The following ZNF385B variants were observed in gnomAD, a reference collection of about 807,000 sequenced individuals.
The protein encoded by ZNF385B is zinc finger protein 533.
ZNF385B carries 23 observed loss-of-function variants against 39.2 expected under a neutral mutation model. The observed-to-expected ratio is 0.59, with a 90% CI of 0.42 to 0.83. The LOEUF (loss-of-function observed/expected upper bound fraction) is 0.83. Among genes scored for constraint, ZNF385B ranks in the 40% least tolerant of loss-of-function variants. ZNF385B has a pLI of 0.00. For synonymous variants in ZNF385B, 205 were observed against 222.6 expected (o/e 0.92, Z 0.70); for missense variants, 552 against 598.9 (o/e 0.92, Z 0.82).
chr2:179,504,235 C>T (rs1243720750), intron 5 of ZNF385B, among the ~76,000 whole-genome samples: 3 of 152,018 alleles, frequency 2.0e-5, no homozygotes, highest in Admixed American at 6.6e-5. Flanking sequence ...CATAGTAAAC[C>T]ATGGTGTATA....
chr2:179,787,903 A>T (rs1705098624), intron 1 of ZNF385B, among the ~76,000 whole-genome samples: 2 of 152,212 alleles, frequency 1.3e-5, no homozygotes, highest in Non-Finnish European at 2.9e-5. Context: ...ATTGTGAAAC[A>T]CAGCAACTAT....
Position 179,443,173 on chromosome 2 carries a change from C to T in ZNF385B, c.*77G>A. The T allele has an allele frequency of 2.6e-6, 4 of 1,559,020 alleles. No individual in the cohort carries two copies. Among genetic ancestry groups the T allele is most frequent in the Non-Finnish European group, 3.5e-6 (4 of 1,135,692 alleles). ...TGAATGGGGGGTACTGCAACACAAA[C>T]TGCTTAAATTGCTGAATCCTTGTGG... is the stretch of plus-strand genomic sequence containing the variant. On this transcript the variant is annotated 3_prime_UTR_variant, in exon 10 of 10. Transcript: ENST00000410066.
intron 1 of ZNF385B, among the ~76,000 whole-genome samples, chr2:179,826,500 C>A (rs1436759699): frequency 6.6e-6 from 1 of 152,126 alleles, no homozygotes; most frequent in Non-Finnish European, 1.5e-5. Flanking sequence ...CTCTGTGAAG[C>A]AAAGAGGGCT....
Position 179,442,378 on chromosome 2 carries a change from C to T in ZNF385B, c.*872G>A, listed in dbSNP as rs2105512347. The T allele has an allele frequency of 6.5e-6, 1 of 152,696 alleles. No individual in the cohort carries two copies. The highest frequency in any genetic ancestry group is 2.1e-4 in the South Asian group (1 of 4,830). The allele number at this position is 152,696 out of a possible 1,614,324, so 9.5% of individuals were successfully genotyped here. On this transcript the variant is annotated 3_prime_UTR_variant, in exon 10 of 10. Transcript: ENST00000410066. ...AATGCACAAGAGGTGCAAAAATGTG[C>T]AATTTAGGAAGCTCTTTTTCTGTTT...
intron 3 of ZNF385B, among the ~76,000 whole-genome samples, chr2:179,673,205 T>C (rs1696279813): frequency 6.6e-6 from 1 of 152,072 alleles, no homozygotes; most frequent in Non-Finnish European, 1.5e-5. Context: ...CCAGGGTTGG[T>C]TGCATCCTAG....
At chr2:179,536,297 A>G (rs1432058971) in intron 4 of ZNF385B, 2 of 152,008 alleles carry the variant, frequency 1.3e-5, no homozygotes, top group Non-Finnish European at 2.9e-5. Context: ...CAACATAGAC[A>G]CTTTTTCCAA....
At chr2:179,568,676 G>A (rs1281210382) in intron 3 of ZNF385B, among the ~76,000 whole-genome samples, 1 of 152,208 alleles carries the variant, frequency 6.6e-6, no homozygotes, top group African/African-American at 2.4e-5. Context: ...TATGTTGGGT[G>A]TGTGTGAGAA....
intron 3 of ZNF385B, among the ~76,000 whole-genome samples, chr2:179,678,930 A>C (rs2106321291): frequency 6.6e-6 from 1 of 152,296 alleles, no homozygotes; most frequent in Non-Finnish European, 1.5e-5. Context: ...TGTGTATGAA[A>C]ATTTATTAAT....
intron 3 of ZNF385B, among the ~76,000 whole-genome samples, chr2:179,723,507 T>C (rs1181394780): frequency 6.6e-6 from 1 of 152,126 alleles, no homozygotes; most frequent in East Asian, 1.9e-4. Context: ...TAAATAAGCA[T>C]TCAAAATGAA....
intron 3 of ZNF385B, among the ~76,000 whole-genome samples, chr2:179,589,439 C>T (rs2106065402): frequency 6.6e-6 from 1 of 152,168 alleles, no homozygotes. Flanking sequence ...AAGAGGAGAA[C>T]AAAAGAAGTC....
chr2:179,659,760 C>T (rs1694251194), intron 3 of ZNF385B, among the ~76,000 whole-genome samples: 1 of 152,184 alleles, frequency 6.6e-6, no homozygotes, highest in South Asian at 2.1e-4. Context: ...TGTGCTAACA[C>T]TTAGATCATG....
intron 3 of ZNF385B, among the ~76,000 whole-genome samples, chr2:179,739,093 C>T (rs1330025063): frequency 1.3e-5 from 2 of 152,124 alleles, no homozygotes; most frequent in Non-Finnish European, 1.5e-5. Context: ...TGGGAAGGTA[C>T]CTTAATCTCT....
In ZNF385B at chr2:179,483,408, T is replaced by G. The variant is rs200922868; in HGVS notation, c.579A>C (p.Gly193=). ...CTTTGACCTTCTTGGCATGTTTACT[T>G]CCTTTGTAGTGGGCCTCGGCCTGGC... ...SDSQAEAHYK[G]SKHAKKVKAL... is the part of the protein sequence containing the mutation. The change falls in exon 6 of 10, where the codon GGA becomes GGC. Residue 193 remains glycine, a synonymous_variant. Coordinates refer to ENST00000410066, the MANE Select transcript of ZNF385B (RefSeq NM_152520.6). 12 of 1,614,024 alleles carry G rather than the reference T, an allele frequency of 7.4e-6. No homozygotes were observed. The highest frequency in any genetic ancestry group is 9.3e-6 in the Non-Finnish European group (11 of 1,179,886).
intron 1 of ZNF385B, among the ~76,000 whole-genome samples, chr2:179,816,025 T>G (rs1413717292): frequency 1.3e-5 from 2 of 151,792 alleles, no homozygotes; most frequent in Admixed American, 6.6e-5. Flanking sequence ...CACACACACC[T>G]GCAGATTCAA....
intron 3 of ZNF385B, among the ~76,000 whole-genome samples, chr2:179,702,549 C>A (rs1248452077): frequency 2.0e-5 from 3 of 152,036 alleles, no homozygotes; most frequent in African/African-American, 7.2e-5. Context: ...GCACCATGGT[C>A]CAAGACATTT....
At chr2:179,785,219 T>C (rs1704921447) in intron 1 of ZNF385B, among the ~76,000 whole-genome samples, 1 of 152,058 alleles carries the variant, frequency 6.6e-6, no homozygotes, top group Non-Finnish European at 1.5e-5. Flanking sequence ...GAGTGGAGGT[T>C]CAAAGGGAAG....
At chr2:179,801,108 G>A (rs745735121) in intron 1 of ZNF385B, among the ~76,000 whole-genome samples, 2 of 151,926 alleles carry the variant, frequency 1.3e-5, no homozygotes, top group Non-Finnish European at 2.9e-5. Context: ...TTTCTTGCTA[G>A]GTGCTTTTGT....
intron 6 of ZNF385B, among the ~76,000 whole-genome samples, chr2:179,475,522 T>A (rs1265125156): frequency 2.0e-5 from 3 of 151,686 alleles, no homozygotes; most frequent in Non-Finnish European, 2.9e-5. Flanking sequence ...AGTGCTGGGA[T>A]TACAGGCGTG....
intron 3 of ZNF385B, among the ~76,000 whole-genome samples, chr2:179,623,789 G>C (rs1206265212): frequency 1.3e-5 from 2 of 152,046 alleles, no homozygotes; most frequent in Admixed American, 1.3e-4. Context: ...AGCTCCCCAA[G>C]GCCTTTTCAA....
Sources: allele counts gnomAD v4.1 joint callset (sites outside exome capture counted in the v4.1 genomes callset), GRCh38; gene constraint gnomAD v4.1.1; transcripts MANE v1.5; gene names NCBI Gene and HGNC (gene_info 2026-07-23, HGNC 2026-07-21).